Variants in RIMS1 observed in about 807,000 individuals in gnomAD.
The protein encoded by RIMS1 is regulating synaptic membrane exocytosis 1, also known as regulating synaptic membrane exocytosis protein 1.
Under a neutral mutation model 214.1 loss-of-function variants are expected in RIMS1, and 83 were observed. The ratio of observed to expected loss-of-function variants is 0.39; its 90% CI spans 0.32 to 0.47. The LOEUF (loss-of-function observed/expected upper bound fraction) is 0.47, where lower values mean the gene tolerates loss of function less well. Ranked by LOEUF, RIMS1 falls within the 20% of genes least tolerant of loss-of-function variation. The pLI, the probability that RIMS1 is intolerant of heterozygous loss-of-function variation, is 0.99. For missense variants in RIMS1, 2,050 were observed against 2,161.8 expected (o/e 0.95, Z 1.03); for synonymous variants, 793 against 786.8 (o/e 1.01, Z -0.13).
chr6:72,194,314 G>T (rs1038405809), intron 6 of RIMS1, among the ~76,000 whole-genome samples: 1 of 151,796 alleles, frequency 6.6e-6, no homozygotes, highest in Non-Finnish European at 1.5e-5. Flanking sequence ...TAAAAGGACA[G>T]TTTATCAGTT....
intron 2 of RIMS1, among the ~76,000 whole-genome samples, chr6:72,067,625 T>C (rs1829630442): frequency 6.6e-6 from 1 of 152,204 alleles, no homozygotes; most frequent in Admixed American, 6.5e-5. Context: ...TCTCTCTCCA[T>C]CTAGAACATA....
intron 2 of RIMS1, among the ~76,000 whole-genome samples, chr6:72,006,482 C>T (rs760815192): frequency 6.6e-6 from 1 of 152,198 alleles, no homozygotes; most frequent in East Asian, 1.9e-4. Flanking sequence ...AAAGTGGGTG[C>T]AGGACAGTGG....
chr6:71,993,123 G>A (rs1163793934), intron 2 of RIMS1, among the ~76,000 whole-genome samples: 2 of 152,162 alleles, frequency 1.3e-5, no homozygotes, highest in African/African-American at 4.8e-5. Context: ...ATGTTGATTA[G>A]TTATAGGTAA....
At chr6:72,008,086 A>G (rs538636037) in intron 2 of RIMS1, among the ~76,000 whole-genome samples, 1 of 152,324 alleles carries the variant, frequency 6.6e-6, no homozygotes, top group Non-Finnish European at 1.5e-5. Flanking sequence ...AGGTCGGGTT[A>G]CCCACAAAGG....
intron 2 of RIMS1, among the ~76,000 whole-genome samples, chr6:72,081,962 C>G (rs1047794841): frequency 2.0e-5 from 3 of 152,064 alleles, no homozygotes; most frequent in Admixed American, 6.5e-5. Flanking sequence ...CATCTTGTCA[C>G]TTGCCTTGAA....
intron 2 of RIMS1, among the ~76,000 whole-genome samples, chr6:72,015,519 T>C (rs1432569327): frequency 6.6e-6 from 1 of 152,238 alleles, no homozygotes; most frequent in Non-Finnish European, 1.5e-5. Flanking sequence ...TGGATATCTT[T>C]TATTTATTTT....
chr6:72,383,154 TCTC>T, intron 29 of RIMS1, among the ~76,000 whole-genome samples: 1 of 152,208 alleles, frequency 6.6e-6, no homozygotes, highest in South Asian at 2.1e-4. Flanking sequence ...TCTCTCCCCT[TCTC>T]TTCTTCTCTT....
chr6:72,396,134 CAT>C (rs2098773257), intron 31 of RIMS1, among the ~76,000 whole-genome samples: 1 of 151,658 alleles, frequency 6.6e-6, no homozygotes, highest in Non-Finnish European at 1.5e-5. Flanking sequence ...TAATTGATCA[CAT>C]TGCTGTAATA....
At chr6:72,344,870 A>T (rs2154361297) in intron 29 of RIMS1, among the ~76,000 whole-genome samples, 1 of 151,902 alleles carries the variant, frequency 6.6e-6, no homozygotes, top group South Asian at 2.1e-4. Flanking sequence ...GCTAAGATAT[A>T]GATATACTTT....
At chr6:71,937,953 A>T (rs1784954593) in intron 1 of RIMS1, among the ~76,000 whole-genome samples, 1 of 152,184 alleles carries the variant, frequency 6.6e-6, no homozygotes, top group African/African-American at 2.4e-5. Flanking sequence ...ATCTGAATAA[A>T]ATAGGGGTGA....
At chr6:72,298,882 C>A (rs938518453) in intron 26 of RIMS1, among the ~76,000 whole-genome samples, 1 of 151,936 alleles carries the variant, frequency 6.6e-6, no homozygotes, top group Non-Finnish European at 1.5e-5. Context: ...ACAAAGCTAA[C>A]AAAGATAACA....
rs141533771 is a variant in RIMS1, at chr6:72,263,640, TGAAAA to T, written c.3117-1331_3117-1327del. ...AAGATATTTGCCTGAGGTTAGGAGT[TGAAAA>T]GAAGAGTCGACTGTCTAGAAAGGAG... On this transcript the variant is annotated intron_variant, in intron 19 of 33. Transcript: ENST00000521978. The T allele has an allele frequency of 2.6e-3, 2,521 of 985,296 alleles. 5 individuals carry two copies. Among genetic ancestry groups the T allele is most frequent in the Non-Finnish European group, 2.9e-3 (2,391 of 829,880 alleles). The allele number at this position is 985,296 out of a possible 1,614,324, so 61.0% of individuals were successfully genotyped here.
intron 6 of RIMS1, among the ~76,000 whole-genome samples, chr6:72,207,377 C>T (rs968867288): frequency 1.3e-5 from 2 of 152,198 alleles, no homozygotes; most frequent in African/African-American, 4.8e-5. Context: ...ATGATCTTGA[C>T]TCTACTTGAC....
chr6:72,290,755 C>A lies in RIMS1; in HGVS notation c.3631C>A (p.His1211Asn), dbSNP rs763719096. 6.2e-7 allele frequency: 1 copy of A among 1,613,814 alleles called. No individual in the cohort carries two copies. The highest frequency in any genetic ancestry group is 8.5e-7 in the Non-Finnish European group (1 of 1,179,766). Reference protein sequence around the residue: ...ATDQPVIRGKHPARSRSSEHS... With the variant: ...ATDQPVIRGKNPARSRSSEHS... The stretch of plus-strand genomic sequence containing the variant: ...TGATCAGCCAGTCATTAGGGGAAAA[C>A]ATCCTGCTCGCTCAAGGTCGAGTGA... The change falls in exon 25 of 34, where the codon CAT (histidine) becomes AAT (asparagine). Residue 1211 changes from histidine to asparagine, a missense_variant. By Grantham distance (68) the His-to-Asn change is moderately conservative. Coordinates refer to ENST00000521978, the MANE Select transcript of RIMS1 (RefSeq NM_014989.7).
chr6:72,152,540 A>G (rs2043761272), intron 4 of RIMS1, among the ~76,000 whole-genome samples: 1 of 151,960 alleles, frequency 6.6e-6, no homozygotes, highest in Non-Finnish European at 1.5e-5. Context: ...AGATTTTCCC[A>G]GTGTTCTTGT....
chr6:72,065,113 G>C (rs932118050), intron 2 of RIMS1, among the ~76,000 whole-genome samples: 42 of 152,152 alleles, frequency 2.8e-4, no homozygotes, highest in African/African-American at 8.7e-4. Flanking sequence ...AACATGTCCT[G>C]GTGAAAGGTG....
intron 1 of RIMS1, among the ~76,000 whole-genome samples, chr6:71,966,018 T>G (rs1297246001): frequency 1.3e-5 from 2 of 152,206 alleles, no homozygotes; most frequent in African/African-American, 2.4e-5. Context: ...TTACACAGTT[T>G]CCATATGTTA....
At chr6:72,263,355 T>C in intron 19 of RIMS1, 1 of 984,874 alleles carries the variant, frequency 1.0e-6, no homozygotes, top group Non-Finnish European at 1.2e-6. Context: ...GTCCTAAATA[T>C]TGTGTACATG....
At chr6:72,002,501 A>G (rs749892309) in intron 2 of RIMS1, among the ~76,000 whole-genome samples, 1 of 152,180 alleles carries the variant, frequency 6.6e-6, no homozygotes, top group Non-Finnish European at 1.5e-5. Context: ...AAAAGACCAA[A>G]GATGCATGGG....
Sources: gnomAD v4.1 joint callset for allele counts (sites outside exome capture counted in the v4.1 genomes callset) on GRCh38, gnomAD v4.1.1 for gene constraint, MANE v1.5 for transcripts, NCBI Gene and HGNC (gene_info 2026-07-23, HGNC 2026-07-21) for gene names.